The following NMS variants were observed in gnomAD, a reference collection of about 807,000 sequenced individuals.
The protein encoded by NMS is neuromedin S.
A neutral mutation model predicts 32.2 loss-of-function variants in NMS; 30 were observed. The observed-to-expected ratio is 0.93, with a 90% CI of 0.70 to 1.26. The LOEUF (loss-of-function observed/expected upper bound fraction) is 1.26, where lower values mean the gene tolerates loss of function less well. Ranked by LOEUF, NMS falls within the 50% of genes most tolerant of loss-of-function variation. The pLI is 0.00. For synonymous variants in NMS, 76 were observed against 58.5 expected (o/e 1.30, Z -1.37); for missense variants, 190 against 186.3 (o/e 1.02, Z -0.12).
In NMS at chr2:100,478,785, G is replaced by T. The variant is rs113152375; in HGVS notation, c.262-568G>T. On this transcript the variant is annotated intron_variant, in intron 5 of 9. Transcript: ENST00000376865. Reference sequence around the variant, plus strand: ...GGGAATATTATCAAGACCAACAAGGGCACATGAAAGGAGAAAGAACAATGG... The same window carrying T: ...GGGAATATTATCAAGACCAACAAGGTCACATGAAAGGAGAAAGAACAATGG... 5.1e-3 allele frequency among the ~76,000 whole-genome samples: 780 copies of T among 152,346 alleles called. 5 individuals are homozygous for T. The highest frequency in any genetic ancestry group is 0.017 in the African/African-American group (726 of 41,574).
In NMS at chr2:100,479,347, T is replaced by C. The variant is rs1372732906; in HGVS notation, c.262-6T>C. On this transcript the variant is annotated splice_region_variant and splice_polypyrimidine_tract_variant and intron_variant, in intron 5 of 9. Coordinates refer to ENST00000376865, the MANE Select transcript of NMS (RefSeq NM_001011717.1). ...GTCTGACCCTCTCCGCGCCTGTCTG[T>C]TGCAGTTTCCTCCAGTGCATCCTCT... is the stretch of plus-strand genomic sequence containing the variant. The C allele has an allele frequency of 1.0e-5, 16 of 1,605,890 alleles. No individual in the cohort carries two copies. The highest frequency in any genetic ancestry group is 1.4e-5 in the Non-Finnish European group (16 of 1,175,708).
chr2:100,472,998 G>A, intron 2 of NMS, 148 bp downstream of exon 2: 1 of 524,694 alleles, frequency 1.9e-6, no homozygotes, highest in Non-Finnish European at 3.4e-6. Context: ...CCTCATTTAA[G>A]GCATCCTGAG....
Position 100,480,519 on chromosome 2 carries a change from C to T in NMS, c.360C>T (p.Asp120=). The T allele has an allele frequency of 6.2e-7, 1 of 1,613,174 alleles. No individual in the cohort carries two copies. The highest frequency in any genetic ancestry group is 8.5e-7 in the Non-Finnish European group (1 of 1,180,006). ...LQRGSGTAAV[D]FTKKDHTATW... ...AGGGCTCGGGGACTGCTGCAGTGGA[C>T]TTCACCAAGAAGGTACACAAGAGCC... The change falls in exon 7 of 10, where the codon GAC becomes GAT. Residue 120 remains aspartate, a synonymous_variant. Coordinates refer to ENST00000376865, the MANE Select transcript of NMS (RefSeq NM_001011717.1).
chr2:100,478,502 G>A (rs1161101339), intron 5 of NMS, among the ~76,000 whole-genome samples: 3 of 152,136 alleles, frequency 2.0e-5, no homozygotes, highest in Non-Finnish European at 2.9e-5. Flanking sequence ...CACTCTTGTT[G>A]CCCAGGCTGG....
intron 3 of NMS, among the ~76,000 whole-genome samples, chr2:100,476,103 A>G (rs888748080): frequency 1.3e-5 from 2 of 152,196 alleles, no homozygotes; most frequent in Non-Finnish European, 2.9e-5. Context: ...CACATTCCTC[A>G]TTAATTTTTG....
chr2:100,473,087 C>A (rs1677038014), intron 2 of NMS, among the ~76,000 whole-genome samples: 1 of 152,108 alleles, frequency 6.6e-6, no homozygotes, highest in Non-Finnish European at 1.5e-5. Context: ...AATTTTAAAT[C>A]TGTTGTAATA....
intron 1 of NMS, among the ~76,000 whole-genome samples, chr2:100,472,435 A>G (rs763316474): frequency 4.6e-5 from 7 of 152,202 alleles, no homozygotes; most frequent in Non-Finnish European, 1.0e-4. Context: ...CCATTTTCTG[A>G]GATGCCATCC....
At chr2:100,479,038 A>T (rs1677164849) in intron 5 of NMS, among the ~76,000 whole-genome samples, 1 of 152,070 alleles carries the variant, frequency 6.6e-6, no homozygotes, top group South Asian at 2.1e-4. Context: ...GAAAGAATAC[A>T]TGTGGAGCTG....
At chr2:100,474,619 C>G (rs1316006682) in intron 3 of NMS, among the ~76,000 whole-genome samples, 2 of 152,238 alleles carry the variant, frequency 1.3e-5, no homozygotes, top group Non-Finnish European at 2.9e-5. Flanking sequence ...TCCCAGAATG[C>G]TGTTGTAAGG....
chr2:100,477,268 G>A lies in NMS; in HGVS notation c.207+1G>A, dbSNP rs368460081. On this transcript the variant is annotated splice_donor_variant, in intron 4 of 9. Coordinates refer to ENST00000376865, the MANE Select transcript of NMS (RefSeq NM_001011717.1). LOFTEE classifies it high-confidence loss of function. ...GGATAATCAAGACATATACAAAAGG[G>A]TGAGTACCACCTAGCCCTGTACAAG... 4.3e-5 allele frequency: 70 copies of A among 1,613,438 alleles called. 1 individual carries two copies. The South Asian group carries it at 7.5e-4, about 17-fold the overall frequency.
Position 100,480,499 on chromosome 2 carries a change from T to A in NMS, c.340T>A (p.Ser114Thr), listed in dbSNP as rs1448513998. 6.2e-7 allele frequency: 1 copy of A among 1,613,406 alleles called. No individual in the cohort carries two copies. The highest frequency in any genetic ancestry group is 8.5e-7 in the Non-Finnish European group (1 of 1,179,990). ...CCTGTGCCTCATTTCCTTGCAGGGC[T>A]CGGGGACTGCTGCAGTGGACTTCAC... is the stretch of plus-strand genomic sequence containing the variant. ...RRMKRILQRG[S>T]GTAAVDFTKK... Residue 114 changes from serine (S) to threonine (T), a missense_variant, in exon 7 of 10, where the codon TCG becomes ACG. Ser to Thr is a moderately conservative substitution (Grantham distance 58, BLOSUM62 1). Transcript: ENST00000376865.
intron 6 of NMS, 21 bp downstream of exon 6, chr2:100,479,448 A>G (rs1364576609): frequency 3.1e-6 from 5 of 1,600,092 alleles, no homozygotes; most frequent in South Asian, 1.1e-5. Flanking sequence ...TTATTCTTCC[A>G]CCATAGTTTA....
At chr2:100,478,498 T>A (rs1315426937) in intron 5 of NMS, among the ~76,000 whole-genome samples, 1 of 152,196 alleles carries the variant, frequency 6.6e-6, no homozygotes, top group African/African-American at 2.4e-5. Context: ...GTTTCACTCT[T>A]GTTGCCCAGG....
In NMS at chr2:100,475,092, A is replaced by G. The variant is rs183681716; in HGVS notation, c.183+1553A>G. 2.4e-3 allele frequency among the ~76,000 whole-genome samples: 359 copies of G among 152,298 alleles called. 1 individual carries two copies. The highest frequency in any genetic ancestry group is 3.6e-3 in the Non-Finnish European group (243 of 68,020). On this transcript the variant is annotated intron_variant, in intron 3 of 9. Transcript: ENST00000376865. ...CCCCAAGAGCAAGGGCCCACTAGGA[A>G]TGAATTTCCTTCCATCTTCTCCATT...
intron 6 of NMS, 42 bp downstream of exon 6, chr2:100,479,469 A>G (rs1033560122): frequency 6.6e-7 from 1 of 1,512,902 alleles, no homozygotes; most frequent in Non-Finnish European, 9.1e-7. Flanking sequence ...TGCCCCTCAC[A>G]GTTCATTGAA....
At chr2:100,479,117 A>G (rs1573237032) in intron 5 of NMS, among the ~76,000 whole-genome samples, 1 of 152,176 alleles carries the variant, frequency 6.6e-6, no homozygotes, top group East Asian at 1.9e-4. Flanking sequence ...AGTCCGATTT[A>G]CCCTAAGGGA....
At chr2:100,479,262 A>T in intron 5 of NMS, 91 bp from the exon 6 acceptor site, 1 of 831,942 alleles carries the variant, frequency 1.2e-6, no homozygotes, top group Non-Finnish European at 1.8e-6. Context: ...AAGGGAAGTG[A>T]GTAGAAAGAA....
intron 1 of NMS, among the ~76,000 whole-genome samples, chr2:100,470,915 A>C (rs187611180): frequency 6.6e-6 from 1 of 152,222 alleles, no homozygotes; most frequent in Non-Finnish European, 1.5e-5. Flanking sequence ...TGAAGAGACG[A>C]GGACAGAGTT....
rs182506180 is a variant in NMS at position 100,481,243 on chromosome 2, C to G, written c.414+76C>G. 451 of 1,345,658 alleles carry G rather than the reference C, an allele frequency of 3.4e-4. 1 individual carries two copies. In the African/African-American group the frequency reaches 5.4e-3, roughly 16 times the overall value. 83.4% of individuals were successfully genotyped at this position (1,345,658 alleles called of 1,614,324 possible). A position where few individuals can be genotyped will look rare whatever the true frequency, so the allele number is the denominator to read the frequency against. ...ATCCCAATCATGGAGTGACTGCAAA[C>G]AGCAGAGCCAGGACCCCTTGGTAAA... On this transcript the variant is annotated intron_variant, in intron 8 of 9. Transcript: ENST00000376865.
Sources: allele counts gnomAD v4.1 joint callset (sites outside exome capture counted in the v4.1 genomes callset), GRCh38; gene constraint gnomAD v4.1.1; transcripts MANE v1.5; gene names NCBI Gene and HGNC (gene_info 2026-07-23, HGNC 2026-07-21).